The following JAK2 variants were observed in gnomAD, a reference collection of about 807,000 sequenced individuals.
JAK2 encodes Janus kinase 2.
Under a neutral mutation model 139.3 loss-of-function variants are expected in JAK2, and 86 were observed. The observed-to-expected ratio is 0.62, with a 90% CI of 0.52 to 0.74. The LOEUF (loss-of-function observed/expected upper bound fraction) is 0.74, where lower values mean the gene tolerates loss of function less well. Ranked by LOEUF, JAK2 falls within the 30% of genes least tolerant of loss-of-function variation. The pLI, the probability that JAK2 is intolerant of heterozygous loss-of-function variation, is 0.00. For missense variants in JAK2, 1,421 were observed against 1,360.3 expected (o/e 1.04, Z -0.70); for synonymous variants, 490 against 437.7 (o/e 1.12, Z -1.49).
intron 22 of JAK2, among the ~76,000 whole-genome samples, chr9:5,122,489 A>G (rs909817681): frequency 2.0e-5 from 3 of 152,088 alleles, no homozygotes; most frequent in African/African-American, 7.2e-5. Flanking sequence ...TTCACTTCTT[A>G]GAAGGTACTC....
chr9:5,103,318 C>T (rs991179951), intron 22 of JAK2, among the ~76,000 whole-genome samples: 2 of 110,960 alleles, frequency 1.8e-5, no homozygotes, highest in Non-Finnish European at 3.6e-5. Flanking sequence ...TCAAAAGAGA[C>T]AAAAAAGGCC....
At chr9:5,124,288 C>T (rs1586844641) in intron 23 of JAK2, among the ~76,000 whole-genome samples, 1 of 151,752 alleles carries the variant, frequency 6.6e-6, no homozygotes, top group Admixed American at 6.6e-5. Context: ...TTTGTTTACA[C>T]TCATTTCCAT....
At chr9:5,115,183 T>C (rs1403698445) in intron 22 of JAK2, among the ~76,000 whole-genome samples, 3 of 151,988 alleles carry the variant, frequency 2.0e-5, no homozygotes, top group Admixed American at 6.6e-5. Flanking sequence ...AAGGCTAATA[T>C]CAAGAATCTA....
At chr9:5,038,850 A>T (rs1244734183) in intron 4 of JAK2, among the ~76,000 whole-genome samples, 1 of 152,112 alleles carries the variant, frequency 6.6e-6, no homozygotes, top group African/African-American at 2.4e-5. Context: ...GGCTAGTGTA[A>T]CTTCCAAAAA....
At chr9:5,038,107 GTTC>G (rs1461103197) in intron 4 of JAK2, among the ~76,000 whole-genome samples, 1 of 152,016 alleles carries the variant, frequency 6.6e-6, no homozygotes, top group Non-Finnish European at 1.5e-5. Context: ...TTAATGATTT[GTTC>G]TTCTTTTGTT....
chr9:5,100,558 C>G (rs1821390900), intron 22 of JAK2: 1 of 152,224 alleles, frequency 6.6e-6, no homozygotes, highest in South Asian at 2.1e-4. Flanking sequence ...AGTCTAGCCC[C>G]AATGCCAGAA....
chr9:5,041,376 G>T, intron 4 of JAK2: 2 of 625,080 alleles, frequency 3.2e-6, no homozygotes, highest in African/African-American at 3.6e-5. Flanking sequence ...ATGCACCTGG[G>T]CAAGGAGCAG....
chr9:5,034,688 A>G (rs1267440631), intron 4 of JAK2, among the ~76,000 whole-genome samples: 1 of 152,156 alleles, frequency 6.6e-6, no homozygotes, highest in East Asian at 1.9e-4. Flanking sequence ...CTTTGAAACC[A>G]ACGAGAACAA....
intron 22 of JAK2, chr9:5,100,799 C>G (rs910847033): frequency 6.6e-6 from 1 of 152,378 alleles, no homozygotes; most frequent in Non-Finnish European, 1.5e-5. Flanking sequence ...TTTACTATCT[C>G]TGATGGGATC....
intron 19 of JAK2, chr9:5,085,009 TGA>T: frequency 1.2e-6 from 1 of 843,942 alleles, no homozygotes; most frequent in Non-Finnish European, 1.9e-6. Context: ...TTATGTCTTG[TGA>T]GTACAATTTC....
At chr9:5,043,051 C>G (rs1352761172) in intron 4 of JAK2, among the ~76,000 whole-genome samples, 3 of 152,194 alleles carry the variant, frequency 2.0e-5, no homozygotes, top group African/African-American at 7.2e-5. Flanking sequence ...GGCGCGCGGG[C>G]TCGTGGCTTC....
chr9:5,010,169 G>A (rs1053944101), intron 2 of JAK2, among the ~76,000 whole-genome samples: 4 of 152,118 alleles, frequency 2.6e-5, no homozygotes, highest in African/African-American at 9.7e-5. Flanking sequence ...CTGATTTGCT[G>A]ATAGCACCTT....
At chr9:4,989,190 C>T (rs2129696227) in intron 2 of JAK2, among the ~76,000 whole-genome samples, 1 of 152,322 alleles carries the variant, frequency 6.6e-6, no homozygotes, top group Middle Eastern at 3.4e-3. Flanking sequence ...AGTCTTTTGT[C>T]TAAGGATCTC....
At position 5,077,487 on chromosome 9, in the gene JAK2, A is replaced by G. The variant is rs762519771; in HGVS notation, c.1899A>G (p.Ser633=). 23 of 1,351,970 alleles carry G rather than the reference A, an allele frequency of 1.7e-5. No individual in the cohort carries two copies. The South Asian group carries it at 3.7e-4, about 22-fold the overall frequency. The allele number at this position is 1,351,970 out of a possible 1,614,324, so 83.7% of individuals were successfully genotyped here. Residue 633 remains serine, a synonymous_variant, in exon 15 of 25, where the codon TCA becomes TCG. Transcript: ENST00000381652. Reference sequence around the variant, plus strand: ...TTCAGGAGTTTGTAAAATTTGGATCACTAGATACATATCTGAAAAAGAATA... The same window carrying G: ...TTCAGGAGTTTGTAAAATTTGGATCGCTAGATACATATCTGAAAAAGAATA... ...ILVQEFVKFG[S]LDTYLKKNKN...
intron 4 of JAK2, chr9:5,041,026 A>G: frequency 1.5e-6 from 1 of 652,570 alleles, no homozygotes; most frequent in Non-Finnish European, 2.8e-6. Flanking sequence ...GCACCTGGGT[A>G]CCGGTTCTAC....
intron 22 of JAK2, among the ~76,000 whole-genome samples, chr9:5,102,415 A>T (rs558462170): frequency 6.6e-6 from 1 of 152,260 alleles, no homozygotes; most frequent in African/African-American, 2.4e-5. Flanking sequence ...TCTACATTTG[A>T]TTGTTGTACC....
chr9:4,998,197 C>G (rs1820697568), intron 2 of JAK2, among the ~76,000 whole-genome samples: 1 of 151,926 alleles, frequency 6.6e-6, no homozygotes, highest in Non-Finnish European at 1.5e-5. Flanking sequence ...CTTGGTAATA[C>G]AGGCTTGGAA....
intron 20 of JAK2, 40 bp downstream of exon 20, chr9:5,089,903 G>C (rs757177421): frequency 3.4e-5 from 46 of 1,344,222 alleles, no homozygotes; most frequent in Middle Eastern, 5.1e-4. Context: ...TTCAAGGTAT[G>C]TGTTTGGCAT....
intron 2 of JAK2, among the ~76,000 whole-genome samples, chr9:5,018,980 G>A (rs907747476): frequency 4.6e-5 from 7 of 152,126 alleles, no homozygotes; most frequent in Admixed American, 4.6e-4. Flanking sequence ...TCTGACAACA[G>A]TTCTCTCTTT....
Sources: allele counts gnomAD v4.1 joint callset (sites outside exome capture counted in the v4.1 genomes callset), GRCh38; gene constraint gnomAD v4.1.1; transcripts MANE v1.5; gene names NCBI Gene and HGNC (gene_info 2026-07-23, HGNC 2026-07-21).